The following GRM1 variants were observed in gnomAD, a reference collection of about 807,000 sequenced individuals.
The protein encoded by GRM1 is glutamate metabotropic receptor 1.
GRM1 carries 33 observed loss-of-function variants against 90.9 expected under a neutral mutation model. The observed-to-expected ratio is 0.36, with a 90% CI of 0.28 to 0.49. GRM1 has a LOEUF of 0.49. Among genes scored for constraint, GRM1 ranks in the 20% least tolerant of loss-of-function variants. The pLI is 0.99. For missense variants in GRM1, 1,190 were observed against 1,534.3 expected (o/e 0.78, Z 3.75); for synonymous variants, 700 against 613.2 (o/e 1.14, Z -2.09).
chr6:146,029,706 C>T lies in GRM1; in HGVS notation c.189C>T (p.Pro63=). 6.2e-7 allele frequency: 1 copy of T among 1,614,018 alleles called. No individual in the cohort carries two copies. The highest frequency in any genetic ancestry group is 8.5e-7 in the Non-Finnish European group (1 of 1,180,006). The stretch of plus-strand genomic sequence containing the variant: ...ACCAGCCTCCGGCCGAGAAAGTGCC[C>T]GAGAGGAAGTGTGGGGAGATCAGGG... ...VHHQPPAEKV[P]ERKCGEIREQ... is the part of the protein sequence containing the mutation. Residue 63 remains proline, a synonymous_variant, in exon 1 of 8, where the codon CCC becomes CCT. Coordinates refer to ENST00000282753, the MANE Select transcript of GRM1 (RefSeq NM_001278064.2).
rs973223072 is a variant in GRM1 at position 146,362,636 on chromosome 6, G to A, written c.1602+4942G>A. 1.8e-4 allele frequency among the ~76,000 whole-genome samples: 24 copies of A among 131,358 alleles called. No homozygotes were observed. The East Asian group carries it at 3.2e-3, about 17-fold the overall frequency. 86.2% of individuals were successfully genotyped at this position (131,358 alleles called of 152,430 possible). On this transcript the variant is annotated intron_variant, in intron 5 of 7. Coordinates refer to ENST00000282753, the MANE Select transcript of GRM1 (RefSeq NM_001278064.2). ...AGAGCTTGCAGTGAGCCGAGATAGC[G>A]CCTAGGTGACAGAGCGAGACTCCAT...
intron 1 of GRM1, 26 bp downstream of exon 1, chr6:146,030,243 G>A (rs767696903): frequency 2.7e-6 from 4 of 1,504,324 alleles, no homozygotes; most frequent in Non-Finnish European, 3.7e-6. Flanking sequence ...GGGAAAGAAG[G>A]GTACTGAGAA....
chr6:146,139,672 C>G (rs1428981894), intron 1 of GRM1, among the ~76,000 whole-genome samples: 1 of 151,876 alleles, frequency 6.6e-6, no homozygotes, highest in African/African-American at 2.4e-5. Context: ...TTTTTCATTC[C>G]TTTATTTTTA....
intron 5 of GRM1, among the ~76,000 whole-genome samples, chr6:146,369,081 T>A (rs569891372): frequency 6.6e-6 from 1 of 152,116 alleles, no homozygotes; most frequent in African/African-American, 2.4e-5. Context: ...CAGTAGGTTA[T>A]ATGTATTCAG....
intron 1 of GRM1, among the ~76,000 whole-genome samples, chr6:146,124,030 C>T (rs1776103890): frequency 6.6e-6 from 1 of 152,110 alleles, no homozygotes; most frequent in Admixed American, 6.5e-5. Flanking sequence ...CATCATTTTT[C>T]TTTTGATTTC....
At chr6:146,203,343 C>G (rs7776300) in intron 2 of GRM1, among the ~76,000 whole-genome samples, 58,708 of 151,902 alleles carry the variant, frequency 0.39, 15,625 homozygotes, top group African/African-American at 0.77. Context: ...TTCCCTCTGT[C>G]GGGGGTTCAT....
At chr6:146,309,947 G>GCCT (rs1783718434) in intron 3 of GRM1, among the ~76,000 whole-genome samples, 1 of 152,098 alleles carries the variant, frequency 6.6e-6, no homozygotes, top group African/African-American at 2.4e-5. Context: ...GTCCTTATCA[G>GCCT]CCTTTTTCAC....
chr6:146,380,872 C>A (rs988911869), intron 5 of GRM1, among the ~76,000 whole-genome samples: 1 of 152,108 alleles, frequency 6.6e-6, no homozygotes, highest in Non-Finnish European at 1.5e-5. Context: ...TCCTTCGAGG[C>A]AACAGGTTCG....
chr6:146,408,782 C>T (rs1420381159), intron 7 of GRM1, among the ~76,000 whole-genome samples: 1 of 152,082 alleles, frequency 6.6e-6, no homozygotes, highest in East Asian at 1.9e-4. Context: ...GCAACCTGTC[C>T]CTGCTTGGCC....
intron 7 of GRM1, among the ~76,000 whole-genome samples, chr6:146,416,466 A>G (rs74301712): frequency 0.029 from 4,457 of 152,258 alleles, 179 homozygotes; most frequent in African/African-American, 0.088. Flanking sequence ...TAGTAGTTTT[A>G]TCACTTTCCA....
intron 1 of GRM1, among the ~76,000 whole-genome samples, chr6:146,045,386 A>AAT (rs531858494): frequency 1.5e-4 from 23 of 152,104 alleles, no homozygotes; most frequent in African/African-American, 5.3e-4. Context: ...GTCCTGGTGG[A>AAT]ATATAAACTG....
At chr6:146,035,466 G>T (rs1262325539) in intron 1 of GRM1, among the ~76,000 whole-genome samples, 1 of 151,968 alleles carries the variant, frequency 6.6e-6, no homozygotes, top group Non-Finnish European at 1.5e-5. Flanking sequence ...GTAAAACCTT[G>T]TTTATCCATA....
At chr6:146,188,695 A>T (rs2114573274) in intron 2 of GRM1, among the ~76,000 whole-genome samples, 1 of 152,300 alleles carries the variant, frequency 6.6e-6, no homozygotes, top group Admixed American at 6.5e-5. Flanking sequence ...TGCTGACGAA[A>T]CGTTTGCTAG....
In GRM1 at chr6:146,326,620, A is replaced by C. The variant is rs1189566681; in HGVS notation, c.1186+21774A>C. On this transcript the variant is annotated intron_variant, in intron 3 of 7. Coordinates refer to ENST00000282753, the MANE Select transcript of GRM1 (RefSeq NM_001278064.2). ...AAAAAAAAATAAAAGTGATATGAAT[A>C]AATAATAGTAAAATTAATAAGTAGA... 4.0e-5 allele frequency among the ~76,000 whole-genome samples: 6 copies of C among 150,710 alleles called. No individual in the cohort carries two copies. In the East Asian group the frequency reaches 1.2e-3, roughly 29 times the overall value.
At chr6:146,117,319 G>GTTA (rs1243817276) in intron 1 of GRM1, among the ~76,000 whole-genome samples, 1 of 151,612 alleles carries the variant, frequency 6.6e-6, no homozygotes, top group African/African-American at 2.4e-5. Context: ...AACACACTTT[G>GTTA]TTATTAATAT....
intron 2 of GRM1, among the ~76,000 whole-genome samples, chr6:146,243,950 T>C (rs1360463979): frequency 6.6e-6 from 1 of 152,108 alleles, no homozygotes; most frequent in Non-Finnish European, 1.5e-5. Context: ...AGAAAAAGAA[T>C]TCAGCGATAT....
chr6:146,132,090 T>C (rs558995263), intron 1 of GRM1, among the ~76,000 whole-genome samples: 4 of 152,148 alleles, frequency 2.6e-5, no homozygotes, highest in Non-Finnish European at 4.4e-5. Flanking sequence ...CGGAAAGAAG[T>C]AAGGCTGGCA....
At chr6:146,145,491 A>G (rs973800841) in intron 1 of GRM1, among the ~76,000 whole-genome samples, 3 of 152,310 alleles carry the variant, frequency 2.0e-5, no homozygotes, top group East Asian at 3.9e-4. Flanking sequence ...CAGCTGCTCA[A>G]CTATGGCTCA....
intron 6 of GRM1, 83 bp downstream of exon 6, chr6:146,387,099 T>C: frequency 8.0e-7 from 1 of 1,251,568 alleles, no homozygotes. Context: ...AATGATTAGC[T>C]CATGTCTTCT....
Sources: allele counts gnomAD v4.1 joint callset (sites outside exome capture counted in the v4.1 genomes callset), GRCh38; gene constraint gnomAD v4.1.1; transcripts MANE v1.5; gene names NCBI Gene and HGNC (gene_info 2026-07-23, HGNC 2026-07-21).